Variants in ZC3H12B observed in about 807,000 individuals in gnomAD.
ZC3H12B encodes zinc finger CCCH-type containing 12B.
In ZC3H12B, 7 loss-of-function variants were observed where a neutral mutation model predicts 43.9. That is an observed-to-expected ratio of 0.16 (90% confidence interval 0.09 to 0.30). The LOEUF is 0.30. Among genes scored for constraint, ZC3H12B ranks in the 10% least tolerant of loss-of-function variants. The pLI is 1.00. For synonymous variants in ZC3H12B, 222 were observed against 241.7 expected (o/e 0.92, Z 0.76); for missense variants, 475 against 670.2 (o/e 0.71, Z 3.22).
the ZC3H12B span, among the ~76,000 whole-genome samples, chrX:65,200,671 G>A: frequency 1.8e-5 from 2 of 109,854 alleles, no homozygotes; most frequent in African/African-American, 6.6e-5. Flanking sequence ...CCTGGTCTCA[G>A]TGTATCTGCC....
At chrX:65,310,013 G>C in the ZC3H12B span, among the ~76,000 whole-genome samples, 8 of 111,693 alleles carry the variant, frequency 7.2e-5, no homozygotes, top group African/African-American at 2.6e-4. Flanking sequence ...AATAATAAGA[G>C]CTATTTATGA....
At position 65,472,880 on chromosome X, in the gene ZC3H12B, A is replaced by G. The variant is rs781420897; in HGVS notation, n.408-15766A>G. ...TATATGTTTGTGTATATATATGTTT[A>G]TATATATATGTTTGTGTATATATAT... On this transcript the variant is annotated intron_variant and non_coding_transcript_variant, in intron 3 of 5. Coordinates refer to the ZC3H12B transcript ENST00000617377. Among the ~76,000 whole-genome samples the G allele has an allele frequency of 8.1e-4, 70 of 86,415 alleles. 1 individual carries two copies. The highest frequency in any genetic ancestry group is 3.0e-3 in the African/African-American group (69 of 23,318). The allele number at this position is 86,415 out of a possible 115,157, so 75.0% of individuals were successfully genotyped here. A position where few individuals can be genotyped will look rare whatever the true frequency, so the allele number is the denominator to read the frequency against.
At chrX:65,481,290 A>G (rs980946885) in intron 3 of ZC3H12B, among the ~76,000 whole-genome samples, 1 of 111,686 alleles carries the variant, frequency 9.0e-6, no homozygotes, top group East Asian at 2.8e-4. Flanking sequence ...TTTATAAACA[A>G]CCTTACGAGA....
At chrX:65,400,360 T>C (rs778128174) in intron 3 of ZC3H12B, among the ~76,000 whole-genome samples, 1 of 110,741 alleles carries the variant, frequency 9.0e-6, no homozygotes, top group South Asian at 3.8e-4. Context: ...GGAAATAAAC[T>C]CAAAGGTCAT....
chrX:65,303,509 T>G, the ZC3H12B span, among the ~76,000 whole-genome samples: 2 of 112,270 alleles, frequency 1.8e-5, no homozygotes, highest in Non-Finnish European at 3.8e-5. Context: ...TTTAATAAAA[T>G]ATCTCAGTAA....
the ZC3H12B span, among the ~76,000 whole-genome samples, chrX:65,164,149 C>T: frequency 2.7e-5 from 3 of 111,277 alleles, no homozygotes; most frequent in African/African-American, 9.8e-5. Flanking sequence ...ATCCACTTCT[C>T]CAAGAAGTTG....
the ZC3H12B span, among the ~76,000 whole-genome samples, chrX:65,115,354 C>T: frequency 1.8e-5 from 2 of 110,815 alleles, no homozygotes; most frequent in Admixed American, 9.7e-5. Flanking sequence ...GTCTGCACTT[C>T]CATGCAGGTT....
chrX:65,066,027 A>G, the ZC3H12B span, among the ~76,000 whole-genome samples: 2 of 108,050 alleles, frequency 1.9e-5, no homozygotes, highest in African/African-American at 6.8e-5. Context: ...TGGTTATTCT[A>G]GTTAGCAGCT....
At chrX:65,232,569 G>C in the ZC3H12B span, among the ~76,000 whole-genome samples, 6 of 111,348 alleles carry the variant, frequency 5.4e-5, no homozygotes, top group Non-Finnish European at 1.1e-4. Context: ...AAGCCTCATG[G>C]TATTCACAAA....
At chrX:65,263,340 G>A in the ZC3H12B span, among the ~76,000 whole-genome samples, 2 of 111,014 alleles carry the variant, frequency 1.8e-5, no homozygotes, top group Admixed American at 9.6e-5. Context: ...ATGGTTAATT[G>A]TGCTTAGTAG....
chrX:65,230,480 C>A, the ZC3H12B span, among the ~76,000 whole-genome samples: 1 of 108,417 alleles, frequency 9.2e-6, no homozygotes, highest in Admixed American at 1.0e-4. Flanking sequence ...CACATGTATA[C>A]ATTTGTAACT....
the ZC3H12B span, among the ~76,000 whole-genome samples, chrX:65,135,724 T>C: frequency 2.8e-5 from 3 of 107,517 alleles, no homozygotes; most frequent in Non-Finnish European, 5.8e-5. Flanking sequence ...GCCACACATG[T>C]CTCTGATGCT....
At chrX:65,322,231 C>T in the ZC3H12B span, among the ~76,000 whole-genome samples, 1 of 111,253 alleles carries the variant, frequency 9.0e-6, no homozygotes, top group Non-Finnish European at 1.9e-5. Flanking sequence ...CTCACAGGAA[C>T]TAATACAGCA....
the ZC3H12B span, among the ~76,000 whole-genome samples, chrX:65,163,919 C>A: frequency 8.9e-6 from 1 of 111,838 alleles, no homozygotes; most frequent in South Asian, 3.7e-4. Flanking sequence ...CTTGGCTCCC[C>A]CCCTCTGCTG....
At chrX:65,121,664 A>T in the ZC3H12B span, among the ~76,000 whole-genome samples, 1 of 110,113 alleles carries the variant, frequency 9.1e-6, no homozygotes, top group African/African-American at 3.3e-5. Context: ...TTCTGCTGTG[A>T]TCTTAGTTAT....
intron 3 of ZC3H12B, among the ~76,000 whole-genome samples, chrX:65,476,853 A>C (rs1162350195): frequency 1.0e-5 from 1 of 97,490 alleles, no homozygotes; most frequent in Non-Finnish European, 2.1e-5. Flanking sequence ...TTTTTGTCTC[A>C]CTCTGTCACA....
At chrX:65,410,701 T>C (rs777780799) in intron 3 of ZC3H12B, among the ~76,000 whole-genome samples, 2 of 111,745 alleles carry the variant, frequency 1.8e-5, no homozygotes, top group Non-Finnish European at 3.8e-5. Flanking sequence ...AACAGGCATA[T>C]GAAAAGGTGC....
chrX:65,228,713 A>T, the ZC3H12B span, among the ~76,000 whole-genome samples: 1 of 112,317 alleles, frequency 8.9e-6, no homozygotes, highest in East Asian at 2.8e-4. Context: ...ATGTACAAAA[A>T]TCACAAGCAT....
At chrX:65,242,517 A>G in the ZC3H12B span, among the ~76,000 whole-genome samples, 1 of 112,580 alleles carries the variant, frequency 8.9e-6, no homozygotes, top group Non-Finnish European at 1.9e-5. Context: ...TTCTGTGTTA[A>G]CAGATTGGAA....
Sources: gnomAD v4.1 joint callset for allele counts (sites outside exome capture counted in the v4.1 genomes callset) on GRCh38, gnomAD v4.1.1 for gene constraint, MANE v1.5 for transcripts, NCBI Gene and HGNC (gene_info 2026-07-23, HGNC 2026-07-21) for gene names.